TRIM34: variants seen among roughly 807,000 people sequenced by gnomAD.
The protein encoded by TRIM34 is E3 ubiquitin-protein ligase TRIM34.
A neutral mutation model predicts 38.1 loss-of-function variants in TRIM34; 41 were observed. That is an observed-to-expected ratio of 1.08 (90% CI 0.84 to 1.40). The LOEUF (loss-of-function observed/expected upper bound fraction) is 1.40, where lower values mean the gene tolerates loss of function less well. Among genes scored for constraint, TRIM34 ranks in the 40% most tolerant of loss-of-function variants. The pLI is 0.00. For synonymous variants in TRIM34, 200 were observed against 202.5 expected (o/e 0.99, Z 0.10); for missense variants, 556 against 571.4 (o/e 0.97, Z 0.27).
chr11:5,637,164 C>T (rs1849780706), intron 4 of TRIM34, among the ~76,000 whole-genome samples: 1 of 152,068 alleles, frequency 6.6e-6, no homozygotes, highest in Non-Finnish European at 1.5e-5. Flanking sequence ...CAGAGCGAGA[C>T]TCAGTCTAAA....
At position 5,642,432 on chromosome 11, in the gene TRIM34, C is replaced by CA; in HGVS notation, c.805dup (p.Met269AsnfsTer17). ...AGTGAGATCTGGAGGCTGAAAAAGC[C>CA]AAAAATGGTTTCCAAGAAACTGAAG... On this transcript the variant is annotated frameshift_variant, in exon 6 of 8. Transcript: ENST00000429814. LOFTEE classifies it high-confidence loss of function. 1 of 1,613,298 alleles carries CA rather than the reference C, an allele frequency of 6.2e-7. No homozygotes were observed. The highest frequency in any genetic ancestry group is 8.5e-7 in the Non-Finnish European group (1 of 1,179,838).
chr11:5,622,318 G>A (rs914745959), upstream of TRIM34, among the ~76,000 whole-genome samples: 4 of 152,060 alleles, frequency 2.6e-5, no homozygotes, highest in Admixed American at 1.3e-4. Context: ...TGTGGCAGGT[G>A]CCTGTAGTCC....
At chr11:5,622,100 G>C (rs1054579896), upstream of TRIM34, among the ~76,000 whole-genome samples, 1 of 152,112 alleles carries the variant, frequency 6.6e-6, no homozygotes, top group African/African-American at 2.4e-5. Context: ...AGACATTAAA[G>C]ACATAGCATA....
Position 5,641,022 on chromosome 11 carries a change from T to C in TRIM34, c.751-145T>C, listed in dbSNP as rs969423193. 16 of 1,130,064 alleles carry C rather than the reference T, an allele frequency of 1.4e-5. No homozygotes were observed. In the Admixed American group the frequency reaches 5.2e-4, roughly 37 times the overall value. 70.0% of individuals were successfully genotyped at this position (1,130,064 alleles called of 1,614,324 possible). A position where few individuals can be genotyped will look rare whatever the true frequency, so the allele number is the denominator to read the frequency against. Reference sequence around the variant, plus strand: ...TCCTGATTTTTTTTCTTGGTGTGTCTAGCTAAATGTTTGCCAATTTTGTTG... The same window carrying C: ...TCCTGATTTTTTTTCTTGGTGTGTCCAGCTAAATGTTTGCCAATTTTGTTG... On this transcript the variant is annotated intron_variant, in intron 4 of 7. Coordinates refer to ENST00000429814, the MANE Select transcript of TRIM34 (RefSeq NM_021616.6).
chr11:5,634,530 CATATAT>C (rs112822638), intron 3 of TRIM34, 95 bp from the exon 4 acceptor site: 33 of 261,986 alleles, frequency 1.3e-4, no homozygotes, highest in African/African-American at 9.9e-4. Flanking sequence ...CACACACACA[CATATAT>C]ATATATATAT....
intron 4 of TRIM34, among the ~76,000 whole-genome samples, chr11:5,637,074 G>C (rs111286285): frequency 6.6e-6 from 1 of 152,344 alleles, no homozygotes; most frequent in Non-Finnish European, 1.5e-5. Flanking sequence ...TCAGGAGGCT[G>C]AGGCAGGAGA....
chr11:5,631,075 C>A (rs1035371453), intron 1 of TRIM34, among the ~76,000 whole-genome samples: 1 of 152,166 alleles, frequency 6.6e-6, no homozygotes, highest in Non-Finnish European at 1.5e-5. Flanking sequence ...TATTTCTATT[C>A]CTCGATGATC....
rs773624006 is a variant in TRIM34, at chr11:5,634,817, G to A, written c.706G>A (p.Asp236Asn). ...QKQLVRELIS[D>N]VECRSQWSTM... ...GCAGTTGGTGAGAGAGCTCATCTCA[G>A]ATGTGGAGTGTCGGAGTCAGTGGTC... The change falls in exon 4 of 8, where the codon GAT becomes AAT. Residue 236 changes from aspartate to asparagine, a missense_variant. Transcript: ENST00000429814. The A allele has an allele frequency of 2.5e-6, 4 of 1,613,618 alleles. No individual in the cohort carries two copies. The South Asian group carries it at 4.4e-5, about 18-fold the overall frequency.
chr11:5,623,177 A>T (rs1849056017), upstream of TRIM34, among the ~76,000 whole-genome samples: 1 of 146,952 alleles, frequency 6.8e-6, no homozygotes, highest in Non-Finnish European at 1.5e-5. Flanking sequence ...GGTTTGCCCT[A>T]ACCAGTTCTC....
Position 5,643,613 on chromosome 11 carries a change from C to T in TRIM34, c.1371C>T (p.Tyr457=). The change falls in exon 8 of 8, where the codon TAC becomes TAT. Residue 457 remains tyrosine (Y), a synonymous_variant. Transcript: ENST00000429814. ...FNVTSHGSLI[Y]KFSKCCFSQP... ...TCACAAGCCATGGCTCCCTCATTTA[C>T]AAGTTCTCTAAATGTTGCTTTTCTC... 1 of 1,614,124 alleles carries T rather than the reference C, an allele frequency of 6.2e-7. No homozygotes were observed. Among genetic ancestry groups the T allele is most frequent in the Non-Finnish European group, 8.5e-7 (1 of 1,180,000 alleles).
chr11:5,637,794 C>A (rs1849810443), intron 4 of TRIM34, among the ~76,000 whole-genome samples: 1 of 152,188 alleles, frequency 6.6e-6, no homozygotes, highest in South Asian at 2.1e-4. Flanking sequence ...TACTTTCTGT[C>A]TCTATGACTT....
At chr11:5,628,360 A>G (rs539504220) in intron 1 of TRIM34, among the ~76,000 whole-genome samples, 4 of 152,354 alleles carry the variant, frequency 2.6e-5, no homozygotes, top group African/African-American at 9.6e-5. Flanking sequence ...AGGGGTGAAT[A>G]TTATCATATC....
chr11:5,620,462 T>C (rs1333587133), upstream of TRIM34, among the ~76,000 whole-genome samples: 1 of 151,658 alleles, frequency 6.6e-6, no homozygotes, highest in African/African-American at 2.4e-5. Context: ...CAGCCTCCTA[T>C]AGTGCTGGGA....
chr11:5,634,914 C>T, intron 4 of TRIM34, 53 bp downstream of exon 4: 1 of 1,569,078 alleles, frequency 6.4e-7, no homozygotes, highest in East Asian at 2.3e-5. Context: ...CCTCCTGTGT[C>T]CTTGCGTTCT....
chr11:5,624,398 A>T (rs765417486), upstream of TRIM34, among the ~76,000 whole-genome samples: 1 of 152,148 alleles, frequency 6.6e-6, no homozygotes, highest in Non-Finnish European at 1.5e-5. Context: ...TCTCAGCACC[A>T]TCCACCTCTC....
Position 5,633,792 on chromosome 11 carries a change from C to A in TRIM34, c.424-12C>A. The A allele has an allele frequency of 1.2e-6, 2 of 1,611,900 alleles. No homozygotes were observed. Among genetic ancestry groups the A allele is most frequent in the South Asian group, 1.1e-5 (1 of 90,782 alleles). ...CTTATAGCTTGACTGTAGTGTGATT[C>A]CCTTCTCATAGGAGAAACTCCAGGC... On this transcript the variant is annotated splice_polypyrimidine_tract_variant and intron_variant, in intron 2 of 7. Coordinates refer to ENST00000429814, the MANE Select transcript of TRIM34 (RefSeq NM_021616.6).
In TRIM34 at chr11:5,634,844, A is replaced by G. The variant is rs764853741; in HGVS notation, c.733A>G (p.Thr245Ala). ...TGTGGAGTGTCGGAGTCAGTGGTCAACAATGGAGCTGCTGCAGGTAAGAAG... is the reference window on the plus strand; with the variant it reads ...TGTGGAGTGTCGGAGTCAGTGGTCAGCAATGGAGCTGCTGCAGGTAAGAAG... ...SDVECRSQWS[T>A]MELLQDMSGI... The change falls in exon 4 of 8, where the codon ACA becomes GCA. Residue 245 changes from threonine (T) to alanine (A), a missense_variant. Physicochemically the swap from Thr to Ala is moderately conservative, Grantham distance 58. Coordinates refer to ENST00000429814, the MANE Select transcript of TRIM34 (RefSeq NM_021616.6). 2.2e-5 allele frequency: 35 copies of G among 1,612,700 alleles called. No homozygotes were observed. The highest frequency in any genetic ancestry group is 1.7e-4 in the Middle Eastern group (1 of 5,994).
chr11:5,634,518 CACACACACACACATAT>C, intron 3 of TRIM34, 97 bp from the exon 4 acceptor site: 1 of 601,336 alleles, frequency 1.7e-6, no homozygotes, highest in South Asian at 3.9e-5. Flanking sequence ...CACACACACA[CACACACACACACATAT>C]ATATATATAT....
At position 5,642,758 on chromosome 11, in the gene TRIM34, G is replaced by A. The variant is rs1037553861; in HGVS notation, c.875-59G>A. 3 of 1,604,786 alleles carry A rather than the reference G, an allele frequency of 1.9e-6. No homozygotes were observed. In the African/African-American group the frequency reaches 4.0e-5, roughly 22 times the overall value. On this transcript the variant is annotated intron_variant, in intron 6 of 7. Coordinates refer to ENST00000429814, the MANE Select transcript of TRIM34 (RefSeq NM_021616.6). The stretch of plus-strand genomic sequence containing the variant: ...CTGTCCCTACTCTAAAGAATATATA[G>A]GTATCAGTGCTTACTCCTTTGTTTC...
Sources: gnomAD v4.1 joint callset for allele counts (sites outside exome capture counted in the v4.1 genomes callset) on GRCh38, gnomAD v4.1.1 for gene constraint, MANE v1.5 for transcripts, NCBI Gene and HGNC (gene_info 2026-07-23, HGNC 2026-07-21) for gene names.